Variants in SCN7A observed in about 807,000 individuals in gnomAD.
SCN7A encodes sodium voltage-gated channel alpha subunit 7.
In SCN7A, 138 loss-of-function variants were observed where a neutral mutation model predicts 155.2. That is an observed-to-expected ratio of 0.89 (90% confidence interval 0.77 to 1.02). The LOEUF (loss-of-function observed/expected upper bound fraction) is 1.02, where lower values mean the gene tolerates loss of function less well. Among genes scored for constraint, SCN7A ranks in the 50% least tolerant of loss-of-function variants. The pLI is 0.00. For synonymous variants in SCN7A, 693 were observed against 649.0 expected, an observed-to-expected ratio of 1.07 and a Z score of -1.03; for missense variants, 2,058 against 1,986.6, an observed-to-expected ratio of 1.04 and a Z score of -0.68.
At chr2:166,470,916 T>G (rs1257099221) in intron 6 of SCN7A, among the ~76,000 whole-genome samples, 1 of 151,872 alleles carries the variant, frequency 6.6e-6, no homozygotes, top group East Asian at 1.9e-4. Context: ...TAATCTATAT[T>G]ATGAGAGTTT....
Position 166,405,911 on chromosome 2 carries a change from T to C in SCN7A, c.4718A>G (p.His1573Arg), listed in dbSNP as rs1286593420. 1 of 1,613,002 alleles carries C rather than the reference T, an allele frequency of 6.2e-7. No individual in the cohort carries two copies. ...AAAAGCAAGTAAGATATCGAGGCAATGAATTCTGTCCCCAACAGCCATGGG... is the reference window on the plus strand; with the variant it reads ...AAAAGCAAGTAAGATATCGAGGCAACGAATTCTGTCCCCAACAGCCATGGG... ...DLPMAVGDRI[H>R]CLDILLAFTK... Residue 1573 changes from histidine (H) to arginine (R), a missense_variant, in exon 26 of 26, where the codon CAT (histidine) becomes CGT (arginine). His to Arg is a conservative substitution (Grantham distance 29, BLOSUM62 0). Transcript: ENST00000643258.
chr2:166,474,241 T>A lies in SCN7A; in HGVS notation c.338A>T (p.Lys113Met). 6.7e-7 allele frequency: 1 copy of A among 1,494,504 alleles called. No homozygotes were observed. Among genetic ancestry groups the A allele is most frequent in the Non-Finnish European group, 9.0e-7 (1 of 1,111,000 alleles). 92.6% of individuals were successfully genotyped at this position (1,494,504 alleles called of 1,614,324 possible). A position where few individuals can be genotyped will look rare whatever the true frequency, so the allele number is the denominator to read the frequency against. Residue 113 changes from lysine (K) to methionine (M), a missense_variant, in exon 4 of 26, where the codon AAG becomes ATG. Physicochemically the swap from Lys to Met is moderately conservative, Grantham distance 95 (BLOSUM62 -1). Transcript: ENST00000643258. The stretch of plus-strand genomic sequence containing the variant: ...AAAAGGATATGGATGTACCAAAACC[T>A]TGATAGTTGTTCTTCTAATACAATT... ...PFNCIRRTTI[K>M]VLVHPFFQLF... is the part of the protein sequence containing the mutation.
Position 166,472,274 on chromosome 2 carries a change from T to C in SCN7A, c.572+43A>G, listed in dbSNP as rs775975586. 16 of 1,531,954 alleles carry C rather than the reference T, an allele frequency of 1.0e-5. No individual in the cohort carries two copies. In the South Asian group the frequency reaches 2.0e-4, roughly 19 times the overall value. 94.9% of individuals were successfully genotyped at this position (1,531,954 alleles called of 1,614,324 possible). A position where few individuals can be genotyped will look rare whatever the true frequency, so the allele number is the denominator to read the frequency against. On this transcript the variant is annotated intron_variant, in intron 6 of 25. Transcript: ENST00000643258. ...ATTATTTTTTATGAAAAACATTTTC[T>C]GAGCAAAACATTAAAATAGACTCAA...
chr2:166,465,593 T>A, intron 8 of SCN7A, 62 bp from the exon 9 acceptor site: 1 of 1,310,888 alleles, frequency 7.6e-7, no homozygotes, highest in Non-Finnish European at 1.1e-6. Context: ...ACAGTAGAAG[T>A]CCATTTGGAT....
intron 21 of SCN7A, among the ~76,000 whole-genome samples, chr2:166,413,981 G>GTGTGTATATATATATATATATATATATA (rs1553513525): frequency 1.9e-5 from 1 of 53,526 alleles, no homozygotes; most frequent in African/African-American, 7.4e-5. Flanking sequence ...ATGTGTATGT[G>GTGTGTATATATATATATATATATATATA]TATATATATA....
intron 15 of SCN7A, among the ~76,000 whole-genome samples, chr2:166,433,262 T>C (rs1701771428): frequency 6.6e-6 from 1 of 152,164 alleles, no homozygotes; most frequent in African/African-American, 2.4e-5. Context: ...TATTTAGCCA[T>C]TCCACAATGT....
intron 10 of SCN7A, among the ~76,000 whole-genome samples, chr2:166,457,904 T>C (rs1702320026): frequency 6.6e-6 from 1 of 152,202 alleles, no homozygotes; most frequent in South Asian, 2.1e-4. Context: ...AAAAGTATTA[T>C]CTACAGAAAA....
At position 166,405,696 on chromosome 2, in the gene SCN7A, C is replaced by T; in HGVS notation, c.4933G>A (p.Asp1645Asn). ...ATATGAATATCTGATGTATTTTTGTCATTTCGCCTCAAGCGGTAATTTTTA... is the reference window on the plus strand; with the variant it reads ...ATATGAATATCTGATGTATTTTTGTTATTTCGCCTCAAGCGGTAATTTTTA... ...AYKNYRLRRN[D>N]KNTSDIHMID... Residue 1645 changes from aspartate to asparagine, a missense_variant, in exon 26 of 26, where the codon GAC becomes AAC. Asp to Asn is a conservative substitution (Grantham distance 23). Transcript: ENST00000643258. 6.2e-7 allele frequency: 1 copy of T among 1,612,962 alleles called. No homozygotes were observed. Among genetic ancestry groups the T allele is most frequent in the Non-Finnish European group, 8.5e-7 (1 of 1,179,316 alleles).
intron 10 of SCN7A, among the ~76,000 whole-genome samples, chr2:166,460,236 C>A (rs1017408149): frequency 6.6e-5 from 10 of 152,090 alleles, no homozygotes; most frequent in Non-Finnish European, 1.3e-4. Context: ...AAAGAACTGT[C>A]TTGAAACAAA....
At chr2:166,461,604 A>G (rs1459627848) in intron 10 of SCN7A, among the ~76,000 whole-genome samples, 1 of 152,164 alleles carries the variant, frequency 6.6e-6, no homozygotes, top group East Asian at 1.9e-4. Flanking sequence ...ATTGCTTAAG[A>G]TATGGTAATG....
Position 166,472,252 on chromosome 2 carries a change from A to AT in SCN7A, c.572+64dup, listed in dbSNP as rs1366394324. The stretch of plus-strand genomic sequence containing the variant: ...GCCAAAATCTTTGCAGACGTCAATT[A>AT]TTTTTTATGAAAAACATTTTCTGAG... On this transcript the variant is annotated intron_variant, in intron 6 of 25. Coordinates refer to ENST00000643258, the MANE Select transcript of SCN7A (RefSeq NM_002976.4). 4 of 1,468,462 alleles carry AT rather than the reference A, an allele frequency of 2.7e-6. No homozygotes were observed. The African/African-American group carries it at 4.3e-5, about 16-fold the overall frequency. The allele number at this position is 1,468,462 out of a possible 1,614,324, so 91.0% of individuals were successfully genotyped here. A position where few individuals can be genotyped will look rare whatever the true frequency, so the allele number is the denominator to read the frequency against.
intron 11 of SCN7A, among the ~76,000 whole-genome samples, chr2:166,451,416 T>C (rs1190708646): frequency 1.3e-5 from 2 of 152,172 alleles, no homozygotes; most frequent in African/African-American, 4.8e-5. Context: ...TGTGGATATT[T>C]AAGAGCTAAT....
intron 2 of SCN7A, among the ~76,000 whole-genome samples, chr2:166,478,889 G>T (rs1702859663): frequency 6.6e-6 from 1 of 151,880 alleles, no homozygotes; most frequent in Non-Finnish European, 1.5e-5. Context: ...CCCCATTCAT[G>T]AACCTGGTTC....
At chr2:166,488,010 T>G (rs1703089927) in intron 1 of SCN7A, among the ~76,000 whole-genome samples, 1 of 152,168 alleles carries the variant, frequency 6.6e-6, no homozygotes, top group Non-Finnish European at 1.5e-5. Flanking sequence ...GTGATGATAA[T>G]AAGACTAAGT....
chr2:166,432,797 T>A, intron 15 of SCN7A, 45 bp from the exon 16 acceptor site: 3 of 1,371,860 alleles, frequency 2.2e-6, no homozygotes, highest in Non-Finnish European at 1.9e-6. Flanking sequence ...TCATTTTGTT[T>A]CATTTTAAGT....
chr2:166,462,228 A>G (rs911743459), intron 10 of SCN7A, 161 bp downstream of exon 10: 3 of 694,262 alleles, frequency 4.3e-6, no homozygotes, highest in African/African-American at 1.8e-5. Flanking sequence ...CAATGTGGCC[A>G]GCATATAATT....
intron 11 of SCN7A, among the ~76,000 whole-genome samples, chr2:166,450,879 A>G (rs1345051593): frequency 6.6e-6 from 1 of 152,188 alleles, no homozygotes; most frequent in African/African-American, 2.4e-5. Context: ...GAACTATAAG[A>G]TTACATAAAA....
At chr2:166,493,175 A>G (rs1683152783) in intron 1 of SCN7A, among the ~76,000 whole-genome samples, 1 of 152,172 alleles carries the variant, frequency 6.6e-6, no homozygotes, top group East Asian at 1.9e-4. Context: ...AGTGGGGTAA[A>G]GTATCCACAA....
chr2:166,454,955 C>G (rs1198017037), intron 11 of SCN7A, among the ~76,000 whole-genome samples: 8 of 152,066 alleles, frequency 5.3e-5, no homozygotes, highest in African/African-American at 1.9e-4. Context: ...AATATTAAAG[C>G]ACAACACTAA....
Sources: gnomAD v4.1 joint callset for allele counts (sites outside exome capture counted in the v4.1 genomes callset) on GRCh38, gnomAD v4.1.1 for gene constraint, MANE v1.5 for transcripts, NCBI Gene and HGNC (gene_info 2026-07-23, HGNC 2026-07-21) for gene names.